Variants in TBXAS1 observed in about 807,000 individuals in gnomAD.
TBXAS1 encodes thromboxane A synthase 1.
Under a neutral mutation model 60.7 loss-of-function variants are expected in TBXAS1, and 48 were observed. The observed-to-expected ratio is 0.79, with a 90% confidence interval of 0.63 to 1.01. The LOEUF (loss-of-function observed/expected upper bound fraction) is 1.01. TBXAS1 is among the 50% of genes least tolerant of loss of function. The pLI, the probability that TBXAS1 is intolerant of heterozygous loss-of-function variation, is 0.00. For missense variants in TBXAS1, 685 were observed against 686.3 expected (o/e 1.00, Z 0.02); for synonymous variants, 287 against 269.7 (o/e 1.06, Z -0.63).
intron 4 of TBXAS1, among the ~76,000 whole-genome samples, chr7:139,923,343 G>C (rs943031226): frequency 6.6e-6 from 1 of 151,868 alleles, no homozygotes; most frequent in East Asian, 1.9e-4. Context: ...AGAGAGAGAC[G>C]CAAGAGAGAG....
intron 1 of TBXAS1, among the ~76,000 whole-genome samples, chr7:139,856,991 G>A (rs1760156756): frequency 6.6e-6 from 1 of 152,168 alleles, no homozygotes; most frequent in South Asian, 2.1e-4. Flanking sequence ...TAGTGAGGGA[G>A]GGGTAGAAGG....
At chr7:139,956,721 T>A (rs1160084234) in intron 7 of TBXAS1, among the ~76,000 whole-genome samples, 1 of 152,252 alleles carries the variant, frequency 6.6e-6, no homozygotes, top group Non-Finnish European at 1.5e-5. Context: ...CCTGCACCCT[T>A]TCCACCGATC....
intron 3 of TBXAS1, among the ~76,000 whole-genome samples, chr7:139,898,222 G>A (rs1361643860): frequency 6.6e-6 from 1 of 152,134 alleles, no homozygotes; most frequent in East Asian, 1.9e-4. Flanking sequence ...GCTTCCACAT[G>A]GACATTCCAT....
intron 9 of TBXAS1, among the ~76,000 whole-genome samples, chr7:139,998,851 T>A (rs1472068165): frequency 6.6e-6 from 1 of 152,248 alleles, no homozygotes; most frequent in Non-Finnish European, 1.5e-5. Flanking sequence ...AATCCCTTAA[T>A]GGCCTGGGCC....
chr7:140,012,300 G>A (rs1225018190), intron 10 of TBXAS1, among the ~76,000 whole-genome samples: 2 of 152,182 alleles, frequency 1.3e-5, no homozygotes, highest in Non-Finnish European at 2.9e-5. Context: ...TGAAGTCAGA[G>A]AGAGACTTCT....
At chr7:139,821,462 T>G (rs754234230) in intron 4 of TBXAS1, among the ~76,000 whole-genome samples, 1 of 152,198 alleles carries the variant, frequency 6.6e-6, no homozygotes, top group African/African-American at 2.4e-5. Flanking sequence ...TGTACAATGA[T>G]GTATAAAATA....
chr7:139,928,851 T>C (rs1051455302), intron 4 of TBXAS1, among the ~76,000 whole-genome samples: 128 of 152,362 alleles, frequency 8.4e-4, no homozygotes, highest in Non-Finnish European at 4.4e-4. Flanking sequence ...TAAAAAATCT[T>C]TTTTAAATGG....
chr7:139,902,620 A>G (rs1323372641), intron 3 of TBXAS1, among the ~76,000 whole-genome samples: 1 of 152,156 alleles, frequency 6.6e-6, no homozygotes, highest in African/African-American at 2.4e-5. Flanking sequence ...CGTCTCTGGG[A>G]CAGATGTTCA....
intron 4 of TBXAS1, among the ~76,000 whole-genome samples, chr7:139,914,987 TG>T (rs1256409253): frequency 6.6e-6 from 1 of 152,166 alleles, no homozygotes; most frequent in Non-Finnish European, 1.5e-5. Flanking sequence ...AACCTGGAGT[TG>T]CAATATAGTC....
At position 139,936,233 on chromosome 7, in the gene TBXAS1, T is replaced by G. The variant is rs759417784; in HGVS notation, c.376T>G (p.Phe126Val). 1 of 1,614,200 alleles carries G rather than the reference T, an allele frequency of 6.2e-7. No individual in the cohort carries two copies. Among genetic ancestry groups the G allele is most frequent in the East Asian group, 2.2e-5 (1 of 44,890 alleles). ...CAAGTCGGTAGCCGACAGCGTTCTG[T>G]TTTTACGTGACAAAAGATGGGAAGA... is the stretch of plus-strand genomic sequence containing the variant. ...EFKSVADSVL[F>V]LRDKRWEEVR... Residue 126 changes from phenylalanine (F) to valine (V), a missense_variant, in exon 5 of 13, where the codon TTT becomes GTT. Physicochemically the swap from Phe to Val is conservative, Grantham distance 50. Transcript: ENST00000448866.
intron 1 of TBXAS1, among the ~76,000 whole-genome samples, chr7:139,838,856 G>C (rs1393413469): frequency 2.0e-5 from 3 of 152,070 alleles, no homozygotes; most frequent in Non-Finnish European, 4.4e-5. Context: ...GCTGGGGATA[G>C]AGACTGTATT....
At chr7:139,797,665 T>C (rs1324151805) in intron 4 of TBXAS1, among the ~76,000 whole-genome samples, 1 of 151,996 alleles carries the variant, frequency 6.6e-6, no homozygotes, top group Non-Finnish European at 1.5e-5. Flanking sequence ...TCCTGTGTAG[T>C]CTTTAGGGTG....
chr7:139,963,898 G>T (rs1429507674), intron 9 of TBXAS1, among the ~76,000 whole-genome samples: 1 of 152,112 alleles, frequency 6.6e-6, no homozygotes. Flanking sequence ...TCTTGGCTGT[G>T]CTCTCTTATA....
intron 5 of TBXAS1, chr7:139,952,499 A>ATGCT: frequency 6.6e-7 from 1 of 1,524,050 alleles, no homozygotes; most frequent in South Asian, 1.2e-5. Context: ...TTTAGCTGTG[A>ATGCT]TGCTATTCTA....
At chr7:139,920,957 T>C (rs541739988) in intron 4 of TBXAS1, among the ~76,000 whole-genome samples, 1 of 152,318 alleles carries the variant, frequency 6.6e-6, no homozygotes, top group African/African-American at 2.4e-5. Context: ...GTTGCTTCCA[T>C]CACATGCACT....
intron 3 of TBXAS1, among the ~76,000 whole-genome samples, chr7:139,876,192 G>T (rs373580939): frequency 6.6e-6 from 1 of 152,168 alleles, no homozygotes; most frequent in East Asian, 1.9e-4. Context: ...TCCCGGATAT[G>T]CTGGGGCATA....
intron 1 of TBXAS1, among the ~76,000 whole-genome samples, chr7:139,831,729 C>T (rs537502004): frequency 1.7e-4 from 26 of 152,206 alleles, no homozygotes; most frequent in Non-Finnish European, 3.1e-4. Flanking sequence ...GTCAGAAGTT[C>T]GAGACCAGCC....
At chr7:139,805,776 T>C (rs1166582407) in intron 4 of TBXAS1, among the ~76,000 whole-genome samples, 1 of 143,620 alleles carries the variant, frequency 7.0e-6, no homozygotes, top group Non-Finnish European at 1.5e-5. Flanking sequence ...TCTTTCTTCT[T>C]TTTTTTTTTT....
chr7:139,953,564 C>G, intron 6 of TBXAS1, 108 bp downstream of exon 6: 4 of 1,062,456 alleles, frequency 3.8e-6, no homozygotes, highest in South Asian at 1.3e-5. Context: ...TGTGGAAACG[C>G]TAGAAGCTCA....
Sources: gnomAD v4.1 joint callset for allele counts (sites outside exome capture counted in the v4.1 genomes callset) on GRCh38, gnomAD v4.1.1 for gene constraint, MANE v1.5 for transcripts, NCBI Gene and HGNC (gene_info 2026-07-23, HGNC 2026-07-21) for gene names.